The following LMBR1 variants were observed in gnomAD, a reference collection of about 807,000 sequenced individuals.
The protein encoded by LMBR1 is limb region 1 protein homolog.
Under a neutral mutation model 73.9 loss-of-function variants are expected in LMBR1, and 52 were observed. The ratio of observed to expected loss-of-function variants is 0.70; its 90% confidence interval spans 0.56 to 0.89. The LOEUF is 0.89. LMBR1 is among the 40% of genes least tolerant of loss of function. LMBR1 has a pLI of 0.00. For synonymous variants in LMBR1, 215 were observed against 209.4 expected (o/e 1.03, Z -0.23); for missense variants, 539 against 579.8 (o/e 0.93, Z 0.72).
intron 4 of LMBR1, among the ~76,000 whole-genome samples, chr7:156,820,072 C>T (rs1834517116): frequency 6.6e-6 from 1 of 152,172 alleles, no homozygotes; most frequent in South Asian, 2.1e-4. Flanking sequence ...CACTACACCC[C>T]CATTCGATTC....
chr7:156,729,634 C>T (rs564095592), intron 10 of LMBR1, among the ~76,000 whole-genome samples: 245 of 152,052 alleles, frequency 1.6e-3, no homozygotes, highest in African/African-American at 3.4e-3. Flanking sequence ...CCACCAAGCC[C>T]GGCTAATTTT....
intron 15 of LMBR1, among the ~76,000 whole-genome samples, chr7:156,718,542 G>T (rs2132287529): frequency 6.6e-6 from 1 of 152,184 alleles, no homozygotes; most frequent in Middle Eastern, 3.4e-3. Flanking sequence ...TTGGCAACAT[G>T]GCAAAACCCC....
rs1272306340 is a variant in LMBR1, at chr7:156,789,377, T to C, written c.423+7012A>G. 7.9e-5 allele frequency among the ~76,000 whole-genome samples: 12 copies of C among 152,294 alleles called. No individual in the cohort carries two copies. The East Asian group carries it at 2.3e-3, about 29-fold the overall frequency. ...ATGTGCAAACCAATAAATATTTAAG[T>C]CGTATCATGTTAGTGACTTAAGTTT... On this transcript the variant is annotated intron_variant, in intron 5 of 16. Transcript: ENST00000353442.
chr7:156,700,816 G>A (rs1408082269), intron 15 of LMBR1, among the ~76,000 whole-genome samples: 1 of 152,062 alleles, frequency 6.6e-6, no homozygotes, highest in Non-Finnish European at 1.5e-5. Context: ...CCATTCTACT[G>A]TTACCAATTT....
At chr7:156,885,239 G>C (rs1454677313) in intron 1 of LMBR1, among the ~76,000 whole-genome samples, 3 of 152,186 alleles carry the variant, frequency 2.0e-5, no homozygotes. Flanking sequence ...TGTAATCCCA[G>C]CTACTTGGGA....
At chr7:156,779,482 T>A (rs1826731653) in intron 5 of LMBR1, among the ~76,000 whole-genome samples, 1 of 152,226 alleles carries the variant, frequency 6.6e-6, no homozygotes. Flanking sequence ...TGAAATAGAT[T>A]AGTAAAGACT....
chr7:156,761,895 T>C (rs755644974), intron 8 of LMBR1, among the ~76,000 whole-genome samples: 4 of 147,534 alleles, frequency 2.7e-5, no homozygotes, highest in Non-Finnish European at 4.4e-5. Context: ...GAGAAAGGTG[T>C]GAACCCAGGG....
intron 15 of LMBR1, among the ~76,000 whole-genome samples, chr7:156,699,348 C>T (rs373727659): frequency 2.0e-5 from 3 of 151,834 alleles, no homozygotes; most frequent in African/African-American, 7.3e-5. Flanking sequence ...AACTGGCTAG[C>T]CATATGTAGA....
intron 10 of LMBR1, among the ~76,000 whole-genome samples, chr7:156,731,970 A>G (rs949033189): frequency 2.0e-5 from 3 of 151,642 alleles, no homozygotes; most frequent in East Asian, 1.9e-4. Flanking sequence ...CAGAATGATT[A>G]TAACAACATT....
intron 1 of LMBR1, among the ~76,000 whole-genome samples, chr7:156,863,019 A>G (rs1474901466): frequency 1.3e-5 from 2 of 152,168 alleles, no homozygotes; most frequent in Admixed American, 6.5e-5. Flanking sequence ...CTTTCTGTAT[A>G]TATGTACAAA....
In LMBR1 at chr7:156,892,924, G is replaced by A. The variant is rs1235719398; in HGVS notation, c.66+4C>T. On this transcript the variant is annotated splice_donor_region_variant and intron_variant, in intron 1 of 16. Transcript: ENST00000353442. ...CTGTCAGGGCTGCCTCGGTCCCCACGCACCGTGGACTCCCGCACTTGGCTG... is the reference window on the plus strand; with the variant it reads ...CTGTCAGGGCTGCCTCGGTCCCCACACACCGTGGACTCCCGCACTTGGCTG... 16 of 1,523,838 alleles carry A rather than the reference G, an allele frequency of 1.0e-5. No homozygotes were observed. The allele number at this position is 1,523,838 out of a possible 1,614,324, so 94.4% of individuals were successfully genotyped here. A position where few individuals can be genotyped will look rare whatever the true frequency, so the allele number is the denominator to read the frequency against.
At chr7:156,761,613 T>A (rs965592379) in intron 8 of LMBR1, among the ~76,000 whole-genome samples, 6 of 152,164 alleles carry the variant, frequency 3.9e-5, no homozygotes, top group Non-Finnish European at 7.3e-5. Flanking sequence ...GCACCTATAG[T>A]TAGTATTTTA....
At chr7:156,877,756 G>A (rs1001307938) in intron 1 of LMBR1, among the ~76,000 whole-genome samples, 8 of 151,952 alleles carry the variant, frequency 5.3e-5, no homozygotes, top group Admixed American at 1.3e-4. Context: ...GGTGGCAGGC[G>A]CCTGTAGTCC....
At chr7:156,854,276 T>C (rs764189082) in intron 1 of LMBR1, among the ~76,000 whole-genome samples, 1 of 152,176 alleles carries the variant, frequency 6.6e-6, no homozygotes, top group Non-Finnish European at 1.5e-5. Context: ...GGTAAAACAC[T>C]TCAACTGTAA....
At chr7:156,859,773 T>C (rs913054438) in intron 1 of LMBR1, among the ~76,000 whole-genome samples, 7 of 152,290 alleles carry the variant, frequency 4.6e-5, no homozygotes, top group African/African-American at 1.4e-4. Context: ...TCCCAGTAAA[T>C]TATTTTCTGG....
intron 9 of LMBR1, among the ~76,000 whole-genome samples, chr7:156,737,209 TTTGA>T (rs1230417697): frequency 2.0e-5 from 3 of 152,214 alleles, no homozygotes; most frequent in Admixed American, 6.5e-5. Context: ...TACATTATAG[TTTGA>T]TTAAGTATAA....
intron 5 of LMBR1, chr7:156,779,653 AC>A: frequency 7.9e-7 from 1 of 1,268,100 alleles, no homozygotes; most frequent in Non-Finnish European, 1.0e-6. Flanking sequence ...CAATGTACTT[AC>A]AAAAGCTCTA....
intron 15 of LMBR1, among the ~76,000 whole-genome samples, chr7:156,716,985 A>C (rs1008653506): frequency 6.6e-6 from 1 of 152,068 alleles, no homozygotes; most frequent in Non-Finnish European, 1.5e-5. Context: ...AAAAAATTAA[A>C]AAGTTTAGCT....
intron 1 of LMBR1, among the ~76,000 whole-genome samples, chr7:156,884,309 A>T (rs1801547711): frequency 6.6e-6 from 1 of 152,076 alleles, no homozygotes; most frequent in Non-Finnish European, 1.5e-5. Flanking sequence ...AACATCAACA[A>T]TTTCAGAGAA....
Sources: gnomAD v4.1 joint callset for allele counts (sites outside exome capture counted in the v4.1 genomes callset) on GRCh38, gnomAD v4.1.1 for gene constraint, MANE v1.5 for transcripts, NCBI Gene and HGNC (gene_info 2026-07-23, HGNC 2026-07-21) for gene names.